PRCP: variants seen among roughly 807,000 people sequenced by gnomAD.
PRCP encodes the protein prolylcarboxypeptidase.
In PRCP, 46 loss-of-function variants were observed where a neutral mutation model predicts 54.2. The ratio of observed to expected loss-of-function variants is 0.85; its 90% confidence interval spans 0.67 to 1.09. The LOEUF is 1.09. Among genes scored for constraint, PRCP ranks in the 50% least tolerant of loss-of-function variants. The pLI is 0.00. For synonymous variants in PRCP, 240 were observed against 212.2 expected (o/e 1.13, Z -1.14); for missense variants, 613 against 596.8 (o/e 1.03, Z -0.28).
chr11:82,895,603 T>C (rs1159532017), intron 1 of PRCP, among the ~76,000 whole-genome samples: 2 of 152,174 alleles, frequency 1.3e-5, no homozygotes, highest in South Asian at 2.1e-4. Flanking sequence ...AATGATTCTG[T>C]GTCACCAAAC....
intron 1 of PRCP, among the ~76,000 whole-genome samples, chr11:82,874,047 G>A (rs536623431): frequency 6.6e-6 from 1 of 152,280 alleles, no homozygotes; most frequent in East Asian, 1.9e-4. Flanking sequence ...CATTCATCCG[G>A]TCTAAATGAT....
In PRCP at chr11:82,823,898, C is replaced by T. The variant is rs1015311539; in HGVS notation, c.*1008G>A. 6.6e-6 allele frequency: 1 copy of T among 152,172 alleles called. No homozygotes were observed. Among genetic ancestry groups the T allele is most frequent in the Non-Finnish European group, 1.5e-5 (1 of 68,036 alleles). The allele number at this position is 152,172 out of a possible 1,614,324, so 9.4% of individuals were successfully genotyped here. A position where few individuals can be genotyped will look rare whatever the true frequency, so the allele number is the denominator to read the frequency against. On this transcript the variant is annotated 3_prime_UTR_variant, in exon 9 of 9. Transcript: ENST00000313010. ...ATTAGTCAGCTTGTCTTTTGGAAGT[C>T]ATACAGAAAAGTTCTTGTGCACCTG... is the stretch of plus-strand genomic sequence containing the variant.
chr11:82,873,698 A>G (rs1245362581), intron 1 of PRCP, among the ~76,000 whole-genome samples: 1 of 152,240 alleles, frequency 6.6e-6, no homozygotes, highest in African/African-American at 2.4e-5. Flanking sequence ...GCTAAAATAC[A>G]ACTCTTCTTC....
rs1299129644 is a variant in PRCP, at chr11:82,825,039, C to T, written c.1358G>A (p.Gly453Glu). The change falls in exon 9 of 9, where the codon GGG becomes GAG. Residue 453 changes from glycine (G) to glutamate (E), a missense_variant. Physicochemically the swap from Gly to Glu is moderately conservative, Grantham distance 98. Transcript: ENST00000313010. ...DTLVAVTISE[G>E]AHHLDLRTKN... Reference sequence around the variant, plus strand: ...GGTGCGGAGATCTAAGTGGTGGGCCCCCTCTGAGATGGTGACTGCAACCAG... The same window carrying T: ...GGTGCGGAGATCTAAGTGGTGGGCCTCCTCTGAGATGGTGACTGCAACCAG... 1.9e-6 allele frequency: 3 copies of T among 1,613,874 alleles called. No homozygotes were observed. In the African/African-American group the frequency reaches 4.0e-5, roughly 22 times the overall value.
At chr11:82,843,594 A>G (rs1468432686) in intron 6 of PRCP, among the ~76,000 whole-genome samples, 5 of 99,750 alleles carry the variant, frequency 5.0e-5, no homozygotes, top group Non-Finnish European at 8.2e-5. Flanking sequence ...TCTGTCCAAA[A>G]TACTCAACAC....
At chr11:82,864,694 T>A (rs1365540762) in intron 1 of PRCP, among the ~76,000 whole-genome samples, 2 of 152,356 alleles carry the variant, frequency 1.3e-5, no homozygotes, top group East Asian at 1.9e-4. Context: ...CAGCAGTTCT[T>A]TCTAGCACGT....
intron 6 of PRCP, among the ~76,000 whole-genome samples, chr11:82,848,151 C>T (rs1174232399): frequency 2.6e-5 from 4 of 152,176 alleles, no homozygotes; most frequent in Non-Finnish European, 5.9e-5. Flanking sequence ...GGCTCTATAT[C>T]GCCAATTCTA....
chr11:82,888,515 G>A (rs1859921089), intron 1 of PRCP, among the ~76,000 whole-genome samples: 1 of 152,212 alleles, frequency 6.6e-6, no homozygotes, highest in African/African-American at 2.4e-5. Flanking sequence ...CACAGAAGTA[G>A]CCTGTAAGGA....
rs77504523 is a variant in PRCP at position 82,868,006 on chromosome 11, T to C, written c.169-7889A>G. On this transcript the variant is annotated intron_variant, in intron 1 of 8. Coordinates refer to ENST00000313010, the MANE Select transcript of PRCP (RefSeq NM_005040.4). ...CCAATTATTTTAAATCTTTCTTTTC[T>C]AAATAAATATATTATATGTTCACAT... Among the ~76,000 whole-genome samples the C allele has an allele frequency of 7.6e-3, 1,152 of 152,322 alleles. 23 individuals carry two copies. The highest frequency in any genetic ancestry group is 0.026 in the African/African-American group (1,097 of 41,558).
intron 6 of PRCP, among the ~76,000 whole-genome samples, chr11:82,844,792 G>A (rs900896281): frequency 6.7e-6 from 1 of 149,192 alleles, no homozygotes; most frequent in African/African-American, 2.5e-5. Flanking sequence ...AAACACAAAT[G>A]CAGACTCTCT....
chr11:82,838,001 T>G (rs146259654), intron 8 of PRCP, among the ~76,000 whole-genome samples: 147 of 152,288 alleles, frequency 9.7e-4, no homozygotes, highest in African/African-American at 3.4e-3. Context: ...TTAAAGTGCC[T>G]CATTTAGTAC....
intron 1 of PRCP, among the ~76,000 whole-genome samples, chr11:82,871,637 C>T (rs192681500): frequency 3.3e-4 from 50 of 152,300 alleles, no homozygotes; most frequent in East Asian, 2.1e-3. Context: ...ACGTTTCTCA[C>T]GAACAGGAGT....
intron 1 of PRCP, chr11:82,884,719 A>C: frequency 6.6e-7 from 1 of 1,515,848 alleles, no homozygotes; most frequent in Non-Finnish European, 9.0e-7. Flanking sequence ...ATTTGCAGAC[A>C]GACCTGACTT....
At chr11:82,879,100 T>C (rs1237540347) in intron 1 of PRCP, among the ~76,000 whole-genome samples, 1 of 152,246 alleles carries the variant, frequency 6.6e-6, no homozygotes, top group Non-Finnish European at 1.5e-5. Context: ...GTTTGGGAAG[T>C]TCTCCTGGAT....
Position 82,850,315 on chromosome 11 carries a change from T to G in PRCP, c.593+9A>C. 3 of 1,503,268 alleles carry G rather than the reference T, an allele frequency of 2.0e-6. No individual in the cohort carries two copies. Among genetic ancestry groups the G allele is most frequent in the Non-Finnish European group, 2.7e-6 (3 of 1,121,020 alleles). 93.1% of individuals were successfully genotyped at this position (1,503,268 alleles called of 1,614,324 possible). On this transcript the variant is annotated intron_variant, in intron 4 of 8. Transcript: ENST00000313010. Reference sequence around the variant, plus strand: ...AAGAAACGTTCATGTCCAGTACAAATGCACTTACCCAACTACCATATGAGG... The same window carrying G: ...AAGAAACGTTCATGTCCAGTACAAAGGCACTTACCCAACTACCATATGAGG...
chr11:82,852,652 T>C (rs1191597925), intron 3 of PRCP, among the ~76,000 whole-genome samples: 1 of 152,304 alleles, frequency 6.6e-6, no homozygotes, highest in African/African-American at 2.4e-5. Context: ...CCTGGTTTAT[T>C]AGGTAGAGTC....
chr11:82,901,153 A>G (rs1860282698), upstream of PRCP, among the ~76,000 whole-genome samples: 1 of 152,042 alleles, frequency 6.6e-6, no homozygotes, highest in East Asian at 1.9e-4. Flanking sequence ...ACCACTCCCT[A>G]TGATACTCCG....
At chr11:82,855,478 G>T (rs189618031) in intron 2 of PRCP, among the ~76,000 whole-genome samples, 101 of 152,194 alleles carry the variant, frequency 6.6e-4, no homozygotes, top group African/African-American at 2.3e-3. Flanking sequence ...ACTTAGCCGG[G>T]CGTGGTGGCG....
chr11:82,879,559 A>G (rs1390066332), intron 1 of PRCP, among the ~76,000 whole-genome samples: 1 of 152,044 alleles, frequency 6.6e-6, no homozygotes, highest in Non-Finnish European at 1.5e-5. Context: ...TCTCCATCCA[A>G]CTTTGTTCTG....
Sources: allele counts gnomAD v4.1 joint callset (sites outside exome capture counted in the v4.1 genomes callset), GRCh38; gene constraint gnomAD v4.1.1; transcripts MANE v1.5; gene names NCBI Gene and HGNC (gene_info 2026-07-23, HGNC 2026-07-21).